Variants in CHRM3 observed in about 807,000 individuals in gnomAD.
The protein encoded by CHRM3 is muscarinic acetylcholine receptor M3.
Under a neutral mutation model 41.8 loss-of-function variants are expected in CHRM3, and 11 were observed. That is an observed-to-expected ratio of 0.26 (90% CI 0.17 to 0.44). The LOEUF is 0.44. Ranked by LOEUF, CHRM3 falls within the 20% of genes least tolerant of loss-of-function variation. CHRM3 has a pLI of 1.00. For synonymous variants in CHRM3, 297 were observed against 301.4 expected (o/e 0.99, Z 0.15); for missense variants, 571 against 745.4 (o/e 0.77, Z 2.72).
At chr1:239,691,529 C>A (rs75528716) in intron 5 of CHRM3, among the ~76,000 whole-genome samples, 1 of 152,088 alleles carries the variant, frequency 6.6e-6, no homozygotes, top group Non-Finnish European at 1.5e-5. Flanking sequence ...TGTCAACTTG[C>A]GAGAGTAACT....
intron 3 of CHRM3, among the ~76,000 whole-genome samples, chr1:239,565,051 G>T (rs1661221948): frequency 6.6e-6 from 1 of 152,082 alleles, no homozygotes; most frequent in Admixed American, 6.6e-5. Flanking sequence ...TGTCACTCCA[G>T]TCTCCGCTTC....
chr1:239,881,099 C>T (rs532275800), intron 6 of CHRM3, among the ~76,000 whole-genome samples: 1,865 of 151,712 alleles, frequency 0.012, 21 homozygotes, highest in Non-Finnish European at 0.018. Flanking sequence ...CTGGCTAACA[C>T]GGTGAAACCC....
intron 5 of CHRM3, among the ~76,000 whole-genome samples, chr1:239,814,191 G>T (rs1379214987): frequency 2.0e-5 from 3 of 152,144 alleles, no homozygotes; most frequent in African/African-American, 4.8e-5. Flanking sequence ...TTTAAAGTGA[G>T]AACTTTAGTG....
intron 5 of CHRM3, among the ~76,000 whole-genome samples, chr1:239,682,890 TG>T (rs1292574363): frequency 6.6e-6 from 1 of 152,194 alleles, no homozygotes; most frequent in African/African-American, 2.4e-5. Context: ...TACATATTTA[TG>T]GGGGTAAAGT....
At chr1:239,898,146 G>C (rs1307629984) in intron 6 of CHRM3, 2 of 152,172 alleles carry the variant, frequency 1.3e-5, no homozygotes, top group African/African-American at 4.8e-5. Context: ...CAAGAGCCAG[G>C]TTCACAAGTT....
At chr1:239,474,601 G>A (rs1666344649) in intron 1 of CHRM3, among the ~76,000 whole-genome samples, 1 of 152,020 alleles carries the variant, frequency 6.6e-6, no homozygotes, top group Non-Finnish European at 1.5e-5. Context: ...ATGTATTATG[G>A]AAATATAATG....
intron 1 of CHRM3, among the ~76,000 whole-genome samples, chr1:239,461,231 A>C (rs115414917): frequency 0.018 from 2,677 of 152,284 alleles, 32 homozygotes; most frequent in Non-Finnish European, 0.028. Flanking sequence ...GGTTCTGATC[A>C]AGATTATATT....
At chr1:239,640,147 T>G (rs1419631965) in intron 4 of CHRM3, among the ~76,000 whole-genome samples, 15 of 151,432 alleles carry the variant, frequency 9.9e-5, no homozygotes. Context: ...CTTTTTGATG[T>G]GCTGCTGGAT....
chr1:239,671,824 G>A (rs1328383188), intron 4 of CHRM3, among the ~76,000 whole-genome samples: 1 of 152,108 alleles, frequency 6.6e-6, no homozygotes, highest in African/African-American at 2.4e-5. Context: ...GAAAACTCAA[G>A]TCAGAATGTA....
At chr1:239,434,867 G>C (rs564211104) in intron 1 of CHRM3, among the ~76,000 whole-genome samples, 1 of 152,278 alleles carries the variant, frequency 6.6e-6, no homozygotes, top group South Asian at 2.1e-4. Flanking sequence ...ACAATCATTG[G>C]TATTCTGGTT....
chr1:239,684,768 A>AAGAAAG (rs775073588), intron 5 of CHRM3, among the ~76,000 whole-genome samples: 5 of 139,050 alleles, frequency 3.6e-5, no homozygotes, highest in Non-Finnish European at 8.1e-5. Context: ...GAAAGAAAGA[A>AAGAAAG]AGAGAAAGAG....
chr1:239,445,488 A>C (rs562622144), intron 1 of CHRM3, among the ~76,000 whole-genome samples: 2 of 152,300 alleles, frequency 1.3e-5, no homozygotes, highest in African/African-American at 4.8e-5. Flanking sequence ...CACTTTGTAC[A>C]TGCCTCTGTT....
intron 4 of CHRM3, among the ~76,000 whole-genome samples, chr1:239,659,906 G>T (rs1418811315): frequency 2.0e-5 from 3 of 152,134 alleles, no homozygotes; most frequent in Non-Finnish European, 4.4e-5. Context: ...TCTATCATTT[G>T]CAAAGACCAT....
At chr1:239,882,060 CAT>C (rs1677687184) in intron 6 of CHRM3, among the ~76,000 whole-genome samples, 1 of 152,102 alleles carries the variant, frequency 6.6e-6, no homozygotes, top group South Asian at 2.1e-4. Flanking sequence ...CACCCGCCAC[CAT>C]GCCCCGCTAA....
intron 5 of CHRM3, among the ~76,000 whole-genome samples, chr1:239,686,932 C>CTT (rs2149123750): frequency 6.6e-6 from 1 of 152,054 alleles, no homozygotes; most frequent in East Asian, 1.9e-4. Context: ...ATTTTAATAG[C>CTT]TTTAATAACA....
chr1:239,576,916 C>T (rs541178464), intron 3 of CHRM3, among the ~76,000 whole-genome samples: 8 of 152,254 alleles, frequency 5.3e-5, no homozygotes, highest in East Asian at 1.9e-4. Context: ...CGACCCTTCC[C>T]GGTAAAGGTT....
intron 1 of CHRM3, among the ~76,000 whole-genome samples, chr1:239,437,939 A>G (rs1663401989): frequency 6.6e-6 from 1 of 152,144 alleles, no homozygotes; most frequent in Non-Finnish European, 1.5e-5. Flanking sequence ...TTATGTTCCT[A>G]ACACTTTGCT....
At chr1:239,663,114 C>T (rs1268295314) in intron 4 of CHRM3, among the ~76,000 whole-genome samples, 4 of 151,768 alleles carry the variant, frequency 2.6e-5, no homozygotes, top group South Asian at 4.2e-4. Context: ...GGGGCTGTCC[C>T]GGTGCCGGGC....
intron 5 of CHRM3, among the ~76,000 whole-genome samples, chr1:239,805,812 A>G (rs1670591565): frequency 6.6e-6 from 1 of 152,168 alleles, no homozygotes; most frequent in Non-Finnish European, 1.5e-5. Flanking sequence ...CACTCTGCAA[A>G]GATTATTATT....
Sources: allele counts gnomAD v4.1 joint callset (sites outside exome capture counted in the v4.1 genomes callset), GRCh38; gene constraint gnomAD v4.1.1; transcripts MANE v1.5; gene names NCBI Gene and HGNC (gene_info 2026-07-23, HGNC 2026-07-21).